The following MB21D2 variants were observed in gnomAD, a reference collection of about 807,000 sequenced individuals.
The protein encoded by MB21D2 is nucleotidyltransferase MB21D2.
A neutral mutation model predicts 33.3 loss-of-function variants in MB21D2; 9 were observed. The ratio of observed to expected loss-of-function variants is 0.27; its 90% CI spans 0.16 to 0.47. MB21D2 has a LOEUF of 0.47. Among genes scored for constraint, MB21D2 ranks in the 20% least tolerant of loss-of-function variants. The pLI is 0.99. For missense variants in MB21D2, 540 were observed against 624.6 expected (o/e 0.86, Z 1.44); for synonymous variants, 241 against 236.3 (o/e 1.02, Z -0.18).
At chr3:192,909,569 G>A (rs774135634) in intron 1 of MB21D2, among the ~76,000 whole-genome samples, 2 of 152,168 alleles carry the variant, frequency 1.3e-5, no homozygotes, top group African/African-American at 2.4e-5. Context: ...AAATAAAGAT[G>A]TCCTTTTTTC....
chr3:192,872,462 G>C (rs781324697), intron 1 of MB21D2, among the ~76,000 whole-genome samples: 42 of 151,578 alleles, frequency 2.8e-4, no homozygotes, highest in Admixed American at 1.9e-3. Context: ...TGTAGTCCCA[G>C]CTACTCGGGA....
chr3:192,917,558 G>T, intron 1 of MB21D2, 72 bp downstream of exon 1: 1 of 1,529,908 alleles, frequency 6.5e-7, no homozygotes, highest in Non-Finnish European at 9.0e-7. Flanking sequence ...TCGAGAAGCG[G>T]CAATGGGTTT....
chr3:192,813,472 G>A (rs575605585), intron 1 of MB21D2, among the ~76,000 whole-genome samples: 2 of 152,152 alleles, frequency 1.3e-5, no homozygotes, highest in East Asian at 3.9e-4. Flanking sequence ...GAGCTCAGAA[G>A]ATTAATAAAA....
intron 1 of MB21D2, among the ~76,000 whole-genome samples, chr3:192,907,544 T>G (rs555655191): frequency 5.2e-4 from 79 of 152,274 alleles, no homozygotes; most frequent in Non-Finnish European, 9.7e-4. Flanking sequence ...TTCTGTGACC[T>G]ACGAATCAGT....
intron 1 of MB21D2, among the ~76,000 whole-genome samples, chr3:192,880,517 G>T (rs1239736323): frequency 2.0e-5 from 3 of 151,974 alleles, no homozygotes. Context: ...CCTCAACGGG[G>T]TGTCTGGCGT....
intron 1 of MB21D2, among the ~76,000 whole-genome samples, chr3:192,809,375 G>A (rs746144699): frequency 5.3e-5 from 8 of 152,096 alleles, no homozygotes; most frequent in Admixed American, 6.5e-5. Flanking sequence ...GATTACAGGC[G>A]TGAGCCACCA....
chr3:192,869,334 G>A (rs113258528), intron 1 of MB21D2, among the ~76,000 whole-genome samples: 18,241 of 116,196 alleles, frequency 0.16, 1,231 homozygotes, highest in South Asian at 0.26. Context: ...AAAAGGGAAG[G>A]AGGGAAGGGA....
chr3:192,811,237 TAGAC>T (rs1311383046), intron 1 of MB21D2, among the ~76,000 whole-genome samples: 1 of 152,238 alleles, frequency 6.6e-6, no homozygotes, highest in Non-Finnish European at 1.5e-5. Context: ...AGCTTATTAA[TAGAC>T]AGAATCTTTA....
intron 1 of MB21D2, among the ~76,000 whole-genome samples, chr3:192,842,089 G>C (rs1712586217): frequency 6.6e-6 from 1 of 151,346 alleles, no homozygotes; most frequent in Non-Finnish European, 1.5e-5. Context: ...CGCCACTCGG[G>C]GGGCATATAA....
chr3:192,902,843 C>T (rs531422006), intron 1 of MB21D2, among the ~76,000 whole-genome samples: 2 of 152,202 alleles, frequency 1.3e-5, no homozygotes, highest in African/African-American at 4.8e-5. Context: ...AGAGTCCAGC[C>T]CGCCAGCCTT....
At chr3:192,854,202 G>A (rs192518553) in intron 1 of MB21D2, among the ~76,000 whole-genome samples, 87 of 152,324 alleles carry the variant, frequency 5.7e-4, no homozygotes, top group Middle Eastern at 6.8e-3. Flanking sequence ...CTAACAGTTC[G>A]CCTAGCTGTG....
intron 1 of MB21D2, among the ~76,000 whole-genome samples, chr3:192,844,164 A>C (rs1303281204): frequency 6.6e-6 from 1 of 152,196 alleles, no homozygotes; most frequent in Non-Finnish European, 1.5e-5. Flanking sequence ...CCCACGGGGC[A>C]TCTAATGCAG....
intron 1 of MB21D2, among the ~76,000 whole-genome samples, chr3:192,851,491 G>GTT (rs34763701): frequency 0.03 from 2,889 of 97,546 alleles, 157 homozygotes; most frequent in East Asian, 0.11. Context: ...TTTTTTGTCT[G>GTT]TTTTTTTTTT....
In MB21D2 at chr3:192,842,048, C is replaced by A. The variant is rs965874333; in HGVS notation, c.212-42398G>T. ...ATGGAGCACAAGCAGGGTGCTTGAG[C>A]AAGGAGATGACTGGGAAGTAGCTAG... On this transcript the variant is annotated intron_variant, in intron 1 of 1. Transcript: ENST00000392452. 5.3e-5 allele frequency among the ~76,000 whole-genome samples: 8 copies of A among 151,976 alleles called. No individual in the cohort carries two copies. The East Asian group carries it at 1.5e-3, about 29-fold the overall frequency.
chr3:192,804,426 T>TACACAC (rs10552964), intron 1 of MB21D2, among the ~76,000 whole-genome samples: 22 of 147,062 alleles, frequency 1.5e-4, no homozygotes, highest in Admixed American at 4.1e-4. Flanking sequence ...TTAAAACAGA[T>TACACAC]ACACACACAC....
intron 1 of MB21D2, among the ~76,000 whole-genome samples, chr3:192,852,094 A>G (rs1712819126): frequency 1.3e-5 from 2 of 152,242 alleles, no homozygotes; most frequent in Non-Finnish European, 2.9e-5. Context: ...GGTCAAGGGC[A>G]GGTTCTGCCA....
chr3:192,823,492 A>C (rs992915043), intron 1 of MB21D2, among the ~76,000 whole-genome samples: 1 of 148,424 alleles, frequency 6.7e-6, no homozygotes, highest in African/African-American at 2.6e-5. Flanking sequence ...CATTTCTACC[A>C]AAACTACAAA....
chr3:192,830,123 A>G (rs1712280418), intron 1 of MB21D2, among the ~76,000 whole-genome samples: 1 of 152,116 alleles, frequency 6.6e-6, no homozygotes, highest in Non-Finnish European at 1.5e-5. Context: ...GAGAGCAAGG[A>G]TTACAGTTGT....
At chr3:192,820,022 A>T (rs1011882103) in intron 1 of MB21D2, among the ~76,000 whole-genome samples, 4 of 152,142 alleles carry the variant, frequency 2.6e-5, no homozygotes, top group African/African-American at 9.7e-5. Flanking sequence ...TTCCTTGGCT[A>T]CCAAGTAAGT....
Sources: gnomAD v4.1 joint callset for allele counts (sites outside exome capture counted in the v4.1 genomes callset) on GRCh38, gnomAD v4.1.1 for gene constraint, MANE v1.5 for transcripts, NCBI Gene and HGNC (gene_info 2026-07-23, HGNC 2026-07-21) for gene names.